RANBP2: variants seen among roughly 807,000 people sequenced by gnomAD.
RANBP2 encodes the protein RAN binding protein 2.
RANBP2 carries 57 observed loss-of-function variants against 303.6 expected under a neutral mutation model. The observed-to-expected ratio is 0.19, with a 90% CI of 0.15 to 0.23. The LOEUF (loss-of-function observed/expected upper bound fraction) is 0.23. Among genes scored for constraint, RANBP2 ranks in the 10% least tolerant of loss-of-function variants. The probability of loss-of-function intolerance (pLI) is 1.00; values close to 1 mark genes in which losing one functional copy is unlikely to be tolerated. For synonymous variants in RANBP2, 1,167 were observed against 1,301.5 expected (o/e 0.90, Z 2.23); for missense variants, 3,138 against 3,780.8 (o/e 0.83, Z 4.46).
At chr2:109,219,892 C>T in the RANBP2 span, among the ~76,000 whole-genome samples, 1 of 152,122 alleles carries the variant, frequency 6.6e-6, no homozygotes, top group Non-Finnish European at 1.5e-5. Flanking sequence ...ATCAAAACCC[C>T]AATGGCGTTT....
the RANBP2 span, among the ~76,000 whole-genome samples, chr2:108,834,665 T>C: frequency 6.6e-6 from 1 of 152,250 alleles, no homozygotes; most frequent in Non-Finnish European, 1.5e-5. Flanking sequence ...ATTAAGTATA[T>C]TCCCAATGCT....
chr2:109,385,517 G>A, the RANBP2 span, among the ~76,000 whole-genome samples: 2 of 152,222 alleles, frequency 1.3e-5, no homozygotes, highest in African/African-American at 4.8e-5. Flanking sequence ...GGTTTCATTC[G>A]ATGTGAAGGA....
Position 108,765,738 on chromosome 2 carries a change from C to G in RANBP2, c.5199C>G (p.Cys1733Trp), listed in dbSNP as rs1351628019. The change falls in exon 20 of 29, where the codon TGC becomes TGG. Residue 1733 changes from cysteine (C) to tryptophan (W), a missense_variant. Coordinates refer to ENST00000283195, the MANE Select transcript of RANBP2 (RefSeq NM_006267.5). ...KKEGQWDCSV[C>W]LVRNEASATK... ...AAGGACAGTGGGATTGCAGTGTGTG[C>G]TTAGTAAGAAATGAAGCCAGTGCTA... 1.2e-6 allele frequency: 2 copies of G among 1,613,674 alleles called. No homozygotes were observed. Among genetic ancestry groups the G allele is most frequent in the African/African-American group, 2.7e-5 (2 of 74,774 alleles).
the RANBP2 span, chr2:109,129,473 C>T: frequency 6.7e-7 from 1 of 1,493,098 alleles, no homozygotes; most frequent in Non-Finnish European, 8.9e-7. Context: ...TGCTGGCTGC[C>T]GGTGGCGGGC....
the RANBP2 span, among the ~76,000 whole-genome samples, chr2:108,921,075 C>A: frequency 1.3e-5 from 2 of 152,192 alleles, no homozygotes; most frequent in African/African-American, 4.8e-5. Flanking sequence ...CATAAGAAAC[C>A]CCCAGGGTGC....
At chr2:108,868,115 T>TA in the RANBP2 span, among the ~76,000 whole-genome samples, 1 of 152,184 alleles carries the variant, frequency 6.6e-6, no homozygotes, top group African/African-American at 2.4e-5. Flanking sequence ...CATGTACTTT[T>TA]AAAAATGTAT....
the RANBP2 span, among the ~76,000 whole-genome samples, chr2:109,380,930 C>T: frequency 3.9e-5 from 6 of 152,228 alleles, no homozygotes; most frequent in African/African-American, 1.4e-4. Context: ...TCAGCCTTGC[C>T]AGAAAGAAGC....
chr2:109,012,307 G>T, the RANBP2 span, among the ~76,000 whole-genome samples: 1 of 152,176 alleles, frequency 6.6e-6, no homozygotes, highest in Non-Finnish European at 1.5e-5. Flanking sequence ...GGGAGGAAAG[G>T]GTGGGGGGTC....
the RANBP2 span, among the ~76,000 whole-genome samples, chr2:109,177,580 A>T: frequency 1.7e-4 from 26 of 152,066 alleles, no homozygotes; most frequent in Non-Finnish European, 3.7e-4. Flanking sequence ...CAAAGTTAGT[A>T]TCAGTGGTCC....
chr2:108,929,019 G>T, the RANBP2 span, among the ~76,000 whole-genome samples: 1 of 152,358 alleles, frequency 6.6e-6, no homozygotes, highest in Non-Finnish European at 1.5e-5. Flanking sequence ...CTGTCCACCG[G>T]AGGGGCCAGG....
the RANBP2 span, among the ~76,000 whole-genome samples, chr2:109,118,271 G>T: frequency 6.6e-6 from 1 of 152,016 alleles, no homozygotes; most frequent in Non-Finnish European, 1.5e-5. Context: ...ATTTCACTCT[G>T]ACATCCTGTG....
chr2:108,749,597 CTTG>C (rs1344268459), intron 9 of RANBP2, among the ~76,000 whole-genome samples: 2 of 151,884 alleles, frequency 1.3e-5, no homozygotes, highest in Non-Finnish European at 2.9e-5. Flanking sequence ...TGCGACCAGC[CTTG>C]TTGTATTTTG....
At chr2:109,065,474 G>A in the RANBP2 span, among the ~76,000 whole-genome samples, 1 of 152,082 alleles carries the variant, frequency 6.6e-6, no homozygotes, top group Non-Finnish European at 1.5e-5. Context: ...TGTGTAGAAT[G>A]GAGGAATCAG....
the RANBP2 span, among the ~76,000 whole-genome samples, chr2:109,408,850 G>T: frequency 6.6e-6 from 1 of 152,246 alleles, no homozygotes; most frequent in African/African-American, 2.4e-5. Flanking sequence ...CCTGATGGGT[G>T]CGCACAGGGA....
At chr2:108,951,419 A>AC in the RANBP2 span, among the ~76,000 whole-genome samples, 1 of 152,246 alleles carries the variant, frequency 6.6e-6, no homozygotes, top group East Asian at 1.9e-4. Flanking sequence ...CAGAAAGGCC[A>AC]GGATGTCTTA....
chr2:109,607,275 CTGAG>C, the RANBP2 span, among the ~76,000 whole-genome samples: 3 of 152,184 alleles, frequency 2.0e-5, no homozygotes, highest in Non-Finnish European at 4.4e-5. Flanking sequence ...AGCTAAGGTC[CTGAG>C]TAAGTTCTTG....
At chr2:109,705,074 AAAATAAATAAATAAATAAAT>A in the RANBP2 span, among the ~76,000 whole-genome samples, 36 of 144,984 alleles carry the variant, frequency 2.5e-4, no homozygotes, top group South Asian at 4.3e-3. Context: ...ACTCCCTCTC[AAAATAAATAAATAAATAAAT>A]AAATAAATAA....
At chr2:109,572,472 T>C in the RANBP2 span, among the ~76,000 whole-genome samples, 1 of 151,900 alleles carries the variant, frequency 6.6e-6, no homozygotes. Flanking sequence ...AATCCAAGTT[T>C]GTCCAGGGCC....
chr2:109,558,949 G>A, the RANBP2 span, among the ~76,000 whole-genome samples: 13 of 151,690 alleles, frequency 8.6e-5, no homozygotes, highest in Admixed American at 2.0e-4. Context: ...GCAGTGGTGC[G>A]ATCTCAGCTC....
Sources: allele counts gnomAD v4.1 joint callset (sites outside exome capture counted in the v4.1 genomes callset), GRCh38; gene constraint gnomAD v4.1.1; transcripts MANE v1.5; gene names NCBI Gene and HGNC (gene_info 2026-07-23, HGNC 2026-07-21).